The following HCK variants were observed in gnomAD, a reference collection of about 807,000 sequenced individuals.
HCK encodes the protein tyrosine-protein kinase HCK.
In HCK, 40 loss-of-function variants were observed where a neutral mutation model predicts 70.4. The ratio of observed to expected loss-of-function variants is 0.57; its 90% confidence interval spans 0.44 to 0.74. HCK has a LOEUF of 0.74. Ranked by LOEUF, HCK falls within the 30% of genes least tolerant of loss-of-function variation. The probability of loss-of-function intolerance (pLI) is 0.00; values close to 1 mark genes in which losing one functional copy is unlikely to be tolerated. For synonymous variants in HCK, 245 were observed against 263.2 expected (o/e 0.93, Z 0.67); for missense variants, 568 against 697.2 (o/e 0.81, Z 2.09).
chr20:32,069,809 C>T, intron 1 of HCK: 1 of 1,218,134 alleles, frequency 8.2e-7, no homozygotes, highest in Non-Finnish European at 1.1e-6. Flanking sequence ...CTCATCTAAG[C>T]CTAGGAGTTT....
chr20:32,075,902 A>G (rs2045616923), intron 5 of HCK, among the ~76,000 whole-genome samples: 2 of 152,202 alleles, frequency 1.3e-5, no homozygotes, highest in Admixed American at 1.3e-4. Flanking sequence ...CAGCCAATCA[A>G]AAGTTGACAA....
chr20:32,069,862 A>C, intron 1 of HCK: 1 of 779,740 alleles, frequency 1.3e-6, no homozygotes. Context: ...TTATTTTAAC[A>C]AGATAAGTAT....
Position 32,101,714 on chromosome 20 carries a change from A to G in HCK, c.*195A>G, listed in dbSNP as rs1165640102. The G allele has an allele frequency of 2.1e-6, 1 of 483,702 alleles. No homozygotes were observed. Among genetic ancestry groups the G allele is most frequent in the Non-Finnish European group, 3.7e-6 (1 of 272,774 alleles). The allele number at this position is 483,702 out of a possible 1,614,324, so 30.0% of individuals were successfully genotyped here. Reference sequence around the variant, plus strand: ...TGACTCTTGCAATCCACAATCTGACATTCTCAGGAAGCCCCCAAGTTGATA... The same window carrying G: ...TGACTCTTGCAATCCACAATCTGACGTTCTCAGGAAGCCCCCAAGTTGATA... On this transcript the variant is annotated 3_prime_UTR_variant, in exon 13 of 13. Coordinates refer to ENST00000375852, the MANE Select transcript of HCK (RefSeq NM_002110.5).
chr20:32,073,215 A>G, intron 2 of HCK, 104 bp from the exon 3 acceptor site: 1 of 928,030 alleles, frequency 1.1e-6, no homozygotes, highest in Non-Finnish European at 1.7e-6. Flanking sequence ...CACGACATGC[A>G]GGGCTAGGGT....
intron 1 of HCK, among the ~76,000 whole-genome samples, chr20:32,069,120 T>C (rs986307896): frequency 6.6e-6 from 1 of 152,190 alleles, no homozygotes; most frequent in Non-Finnish European, 1.5e-5. Context: ...CAGAAATAGT[T>C]GTGGTTAATG....
chr20:32,083,298 G>T (rs1316656349), intron 6 of HCK, among the ~76,000 whole-genome samples: 1 of 152,136 alleles, frequency 6.6e-6, no homozygotes, highest in Non-Finnish European at 1.5e-5. Flanking sequence ...ACCATGTAAG[G>T]TAACATATTC....
intron 5 of HCK, among the ~76,000 whole-genome samples, 171 bp downstream of exon 5, chr20:32,074,892 A>T (rs1446182780): frequency 1.3e-5 from 2 of 152,156 alleles, no homozygotes; most frequent in South Asian, 4.1e-4. Context: ...CAGTCAGGGA[A>T]GAGAGGCTAA....
intron 7 of HCK, 95 bp from the exon 8 acceptor site, chr20:32,084,296 A>C: frequency 1.5e-6 from 2 of 1,361,584 alleles, no homozygotes; most frequent in Non-Finnish European, 2.0e-6. Context: ...GGAACACTGG[A>C]GAGATCCAGT....
At chr20:32,096,857 T>C (rs2045963455) in intron 11 of HCK, among the ~76,000 whole-genome samples, 1 of 152,124 alleles carries the variant, frequency 6.6e-6, no homozygotes, top group Admixed American at 6.6e-5. Flanking sequence ...AGGAGCGTTC[T>C]GAAATGCTGA....
chr20:32,089,289 T>G (rs1368899964), intron 10 of HCK, among the ~76,000 whole-genome samples: 1 of 151,674 alleles, frequency 6.6e-6, no homozygotes, highest in Non-Finnish European at 1.5e-5. Flanking sequence ...AATGTAACAG[T>G]CTGGCCACAG....
intron 1 of HCK, among the ~76,000 whole-genome samples, chr20:32,056,897 G>T (rs576457942): frequency 6.6e-6 from 1 of 152,108 alleles, no homozygotes; most frequent in African/African-American, 2.4e-5. Flanking sequence ...CACATAGTAG[G>T]GCCTCAAAAA....
chr20:32,054,078 C>T (rs2045226155), intron 1 of HCK: 1 of 375,054 alleles, frequency 2.7e-6, no homozygotes, highest in African/African-American at 2.1e-5. Flanking sequence ...CGAGAATCCA[C>T]CATCCAGAAT....
Position 32,101,303 on chromosome 20 carries a change from C to T in HCK, c.1379-14C>T, listed in dbSNP as rs75265826. The T allele has an allele frequency of 2.6e-3, 4,234 of 1,612,118 alleles. 11 individuals are homozygous for T. The highest frequency in any genetic ancestry group is 2.9e-3 in the Non-Finnish European group (3,444 of 1,178,954). ...CCAACTGCTTCCGTTTCTAATTCCA[C>T]GGCTCCTTTTCAGGGATGTCAAACC... On this transcript the variant is annotated splice_polypyrimidine_tract_variant and intron_variant, in intron 12 of 12. Coordinates refer to ENST00000375852, the MANE Select transcript of HCK (RefSeq NM_002110.5).
chr20:32,062,489 T>A (rs1568962447), intron 1 of HCK, among the ~76,000 whole-genome samples: 1 of 152,166 alleles, frequency 6.6e-6, no homozygotes, highest in African/African-American at 2.4e-5. Flanking sequence ...AACACAGGCA[T>A]CTCAGAGCCA....
intron 4 of HCK, among the ~76,000 whole-genome samples, chr20:32,074,020 G>A (rs1278851095): frequency 2.0e-5 from 3 of 152,216 alleles, no homozygotes; most frequent in Non-Finnish European, 2.9e-5. Flanking sequence ...GAGAGTGCAC[G>A]TCCAGCCTGA....
At chr20:32,095,498 C>T (rs1031431333) in intron 11 of HCK, among the ~76,000 whole-genome samples, 1 of 152,132 alleles carries the variant, frequency 6.6e-6, no homozygotes, top group African/African-American at 2.4e-5. Context: ...CTCAAGTGAT[C>T]CGCCCGCCTT....
intron 1 of HCK, among the ~76,000 whole-genome samples, chr20:32,068,744 C>A (rs1442650290): frequency 2.0e-5 from 3 of 151,984 alleles, no homozygotes; most frequent in African/African-American, 7.3e-5. Flanking sequence ...CATTGTGAGA[C>A]CTGCCCCCCC....
intron 12 of HCK, among the ~76,000 whole-genome samples, chr20:32,100,050 C>T (rs1029295419): frequency 2.6e-5 from 4 of 152,082 alleles, no homozygotes; most frequent in Non-Finnish European, 5.9e-5. Flanking sequence ...TAGGCACATG[C>T]CACCATGTCT....
intron 11 of HCK, among the ~76,000 whole-genome samples, chr20:32,096,461 T>C (rs1384242885): frequency 1.4e-5 from 2 of 142,870 alleles, no homozygotes; most frequent in Non-Finnish European, 3.0e-5. Flanking sequence ...GATTGTGCCA[T>C]TGCACTCCAG....
Sources: gnomAD v4.1 joint callset for allele counts (sites outside exome capture counted in the v4.1 genomes callset) on GRCh38, gnomAD v4.1.1 for gene constraint, MANE v1.5 for transcripts, NCBI Gene and HGNC (gene_info 2026-07-23, HGNC 2026-07-21) for gene names.